The following NAV2 variants were observed in gnomAD, a reference collection of about 807,000 sequenced individuals.
NAV2 encodes helicase, APC down-regulated 1.
A neutral mutation model predicts 223.2 loss-of-function variants in NAV2; 54 were observed. The observed-to-expected ratio is 0.24, with a 90% CI of 0.19 to 0.30. The LOEUF is 0.30. Ranked by LOEUF, NAV2 falls within the 10% of genes least tolerant of loss-of-function variation. The pLI, the probability that NAV2 is intolerant of heterozygous loss-of-function variation, is 1.00. For missense variants in NAV2, 2,806 were observed against 3,147.5 expected, an observed-to-expected ratio of 0.89 and a Z score of 2.60; for synonymous variants, 1,279 against 1,239.3, an observed-to-expected ratio of 1.03 and a Z score of -0.67.
At chr11:19,821,612 A>G (rs1439870904) in intron 1 of NAV2, among the ~76,000 whole-genome samples, 3 of 151,770 alleles carry the variant, frequency 2.0e-5, no homozygotes, top group Non-Finnish European at 4.4e-5. Context: ...GTGTTTCCCT[A>G]CTTGGATACA....
chr11:19,771,754 G>C (rs537705670), intron 1 of NAV2, among the ~76,000 whole-genome samples: 1 of 152,322 alleles, frequency 6.6e-6, no homozygotes, highest in South Asian at 2.1e-4. Flanking sequence ...AAAGGGAAGA[G>C]AGGAAGGAGA....
intron 19 of NAV2, among the ~76,000 whole-genome samples, chr11:20,058,895 G>A (rs553305955): frequency 6.6e-6 from 1 of 152,266 alleles, no homozygotes; most frequent in Non-Finnish European, 1.5e-5. Context: ...GGTAGCTATT[G>A]TTATAATTGT....
intron 1 of NAV2, among the ~76,000 whole-genome samples, chr11:19,477,127 T>C (rs2042142307): frequency 6.6e-6 from 1 of 152,128 alleles, no homozygotes; most frequent in South Asian, 2.1e-4. Context: ...GATAAGACTA[T>C]CCAAACCCTT....
intron 1 of NAV2, chr11:19,778,483 A>G: frequency 6.3e-6 from 2 of 315,296 alleles, no homozygotes; most frequent in South Asian, 2.6e-5. Context: ...TGAGGTCTTT[A>G]AAGATGCTAC....
At chr11:20,012,587 A>G (rs2053647230) in intron 11 of NAV2, among the ~76,000 whole-genome samples, 3 of 152,026 alleles carry the variant, frequency 2.0e-5, no homozygotes, top group Admixed American at 2.0e-4. Context: ...AGGCAGAAGA[A>G]TCACTTGAAC....
At chr11:19,792,206 C>T (rs2057570685) in intron 1 of NAV2, among the ~76,000 whole-genome samples, 1 of 152,192 alleles carries the variant, frequency 6.6e-6, no homozygotes, top group Non-Finnish European at 1.5e-5. Flanking sequence ...AGGTCCAGGT[C>T]CCAGGCTTTA....
intron 1 of NAV2, among the ~76,000 whole-genome samples, chr11:19,776,668 G>GTGTGTGTGTGTGTGTGTGTGTGTGTC (rs1170413542): frequency 6.7e-6 from 1 of 150,050 alleles, no homozygotes; most frequent in African/African-American, 2.5e-5. Flanking sequence ...GTGTGTGTGT[G>GTGTGTGTGTGTGTGTGTGTGTGTGTC]TGTGTGTGGT....
Position 19,539,494 on chromosome 11 carries a change from A to T in NAV2, c.75+188467A>T, listed in dbSNP as rs548737106. 5.3e-4 allele frequency among the ~76,000 whole-genome samples: 80 copies of T among 152,282 alleles called. 1 individual carries two copies. In the South Asian group the frequency reaches 0.017, roughly 32 times the overall value. On this transcript the variant is annotated intron_variant, in intron 1 of 37. Transcript: ENST00000360655. ...TTATATTTAATATTAATCTTATTTC[A>T]TTGTAAGAATGTATACAATTTTTCA...
At chr11:19,595,296 G>A (rs2046176125) in intron 1 of NAV2, among the ~76,000 whole-genome samples, 1 of 152,196 alleles carries the variant, frequency 6.6e-6, no homozygotes, top group Non-Finnish European at 1.5e-5. Context: ...GAAAGACTCA[G>A]GAAGGCATTG....
At chr11:20,103,115 C>A in intron 32 of NAV2, 140 bp from the exon 33 acceptor site, 1 of 756,230 alleles carries the variant, frequency 1.3e-6, no homozygotes, top group Non-Finnish European at 2.1e-6. Flanking sequence ...TAGGCAGGCA[C>A]CCAGAATGTG....
At chr11:20,096,600 G>A (rs1380051145) in intron 30 of NAV2, among the ~76,000 whole-genome samples, 1 of 152,194 alleles carries the variant, frequency 6.6e-6, no homozygotes. Context: ...GTCCAGTTTA[G>A]TTGGTCTGAC....
At chr11:19,956,571 G>C (rs932847387) in intron 10 of NAV2, among the ~76,000 whole-genome samples, 4 of 152,104 alleles carry the variant, frequency 2.6e-5, no homozygotes, top group African/African-American at 9.7e-5. Context: ...TACTGTGGCT[G>C]GTGTGTTATA....
intron 1 of NAV2, among the ~76,000 whole-genome samples, chr11:19,731,581 G>A (rs1382364198): frequency 6.6e-6 from 1 of 152,206 alleles, no homozygotes. Context: ...TATTGAGGGA[G>A]GTATCTCAGA....
intron 1 of NAV2, among the ~76,000 whole-genome samples, chr11:19,406,169 C>A (rs897179463): frequency 2.6e-5 from 4 of 152,292 alleles, no homozygotes; most frequent in African/African-American, 9.6e-5. Flanking sequence ...TTACAGCTGG[C>A]GGGAAACTTG....
chr11:20,081,696 T>C (rs991269553), intron 25 of NAV2, among the ~76,000 whole-genome samples: 1 of 152,208 alleles, frequency 6.6e-6, no homozygotes, highest in Non-Finnish European at 1.5e-5. Flanking sequence ...ATGTGGTTTA[T>C]TATAGATGAA....
At chr11:19,696,253 A>G (rs2049337494) in intron 1 of NAV2, among the ~76,000 whole-genome samples, 1 of 152,262 alleles carries the variant, frequency 6.6e-6, no homozygotes, top group Non-Finnish European at 1.5e-5. Flanking sequence ...GCTGGTCAGA[A>G]ACATTTCCCA....
intron 1 of NAV2, among the ~76,000 whole-genome samples, chr11:19,593,315 G>T (rs1590631422): frequency 6.6e-6 from 1 of 152,100 alleles, no homozygotes; most frequent in Non-Finnish European, 1.5e-5. Flanking sequence ...ATCCATTCAG[G>T]TTGTCTGTCT....
chr11:19,897,134 C>CA (rs1317556474), intron 6 of NAV2, among the ~76,000 whole-genome samples: 2 of 151,628 alleles, frequency 1.3e-5, no homozygotes, highest in African/African-American at 4.9e-5. Context: ...ATCACAAGGA[C>CA]AAAAAACCAA....
intron 1 of NAV2, among the ~76,000 whole-genome samples, chr11:19,564,031 T>C (rs1238259534): frequency 6.6e-6 from 1 of 152,232 alleles, no homozygotes; most frequent in Non-Finnish European, 1.5e-5. Context: ...ATTCCCTGTC[T>C]TCACCTGTTC....
Sources: allele counts gnomAD v4.1 joint callset (sites outside exome capture counted in the v4.1 genomes callset), GRCh38; gene constraint gnomAD v4.1.1; transcripts MANE v1.5; gene names NCBI Gene and HGNC (gene_info 2026-07-23, HGNC 2026-07-21).